Variants in STPG2 observed in about 807,000 individuals in gnomAD.
The protein encoded by STPG2 is sperm tail PG-rich repeat containing 2.
In STPG2, 56 loss-of-function variants were observed where a neutral mutation model predicts 54.2. The ratio of observed to expected loss-of-function variants is 1.03; its 90% CI spans 0.83 to 1.29. The LOEUF (loss-of-function observed/expected upper bound fraction) is 1.29, where lower values mean the gene tolerates loss of function less well. Ranked by LOEUF, STPG2 falls within the 50% of genes most tolerant of loss-of-function variation. STPG2 has a pLI of 0.00. For missense variants in STPG2, 596 were observed against 544.9 expected, an observed-to-expected ratio of 1.09 and a Z score of -0.93; for synonymous variants, 200 against 181.8, an observed-to-expected ratio of 1.10 and a Z score of -0.81.
intron 8 of STPG2, 117 bp downstream of exon 8, chr4:97,943,780 G>A: frequency 1.5e-6 from 1 of 665,004 alleles, no homozygotes; most frequent in Non-Finnish European, 2.5e-6. Context: ...GTCTAGCCAA[G>A]GAGGTTACAG....
chr4:97,516,018 G>T (rs1360267244), intron 4 of STPG2, among the ~76,000 whole-genome samples: 1 of 152,068 alleles, frequency 6.6e-6, no homozygotes, highest in Non-Finnish European at 1.5e-5. Context: ...GTGAAGGAAA[G>T]AAATAAAATT....
chr4:97,763,302 T>C (rs1560518181), intron 9 of STPG2, among the ~76,000 whole-genome samples: 1 of 152,200 alleles, frequency 6.6e-6, no homozygotes, highest in African/African-American at 2.4e-5. Context: ...AATTTAAGCA[T>C]GCTGCCCTAA....
intron 4 of STPG2, among the ~76,000 whole-genome samples, chr4:98,108,298 T>C (rs1399610877): frequency 6.6e-6 from 1 of 152,038 alleles, no homozygotes; most frequent in Admixed American, 6.6e-5. Context: ...ATTTATGCTA[T>C]GAAAGAAAAA....
In STPG2 at chr4:97,955,766, G is replaced by A. The variant is rs189815315; in HGVS notation, c.934-11759C>T. ...GTTAAAAACCAAAGACAATATCTCT[G>A]GAAGGAGAAACAATAAGCTGGACAG... On this transcript the variant is annotated intron_variant, in intron 7 of 10. Transcript: ENST00000295268. 4.3e-3 allele frequency among the ~76,000 whole-genome samples: 652 copies of A among 152,120 alleles called. 5 individuals carry two copies. Among genetic ancestry groups the A allele is most frequent in the Non-Finnish European group, 6.6e-3 (448 of 68,002 alleles).
At chr4:97,914,792 C>T (rs753884645) in intron 8 of STPG2, among the ~76,000 whole-genome samples, 5 of 152,134 alleles carry the variant, frequency 3.3e-5, no homozygotes, top group Non-Finnish European at 5.9e-5. Context: ...AGCATCATGT[C>T]GGCATTCAAA....
At chr4:97,806,294 C>T (rs927409434) in intron 9 of STPG2, among the ~76,000 whole-genome samples, 4 of 151,994 alleles carry the variant, frequency 2.6e-5, no homozygotes, top group Non-Finnish European at 4.4e-5. Context: ...CATGTTCTTG[C>T]CTATAAATGG....
chr4:97,724,646 T>G (rs1199503228), intron 9 of STPG2, among the ~76,000 whole-genome samples: 3 of 152,162 alleles, frequency 2.0e-5, no homozygotes, highest in African/African-American at 7.2e-5. Context: ...TGCTATAATC[T>G]GCAATTTAAA....
At chr4:97,642,211 C>A (rs1347044243) in intron 10 of STPG2, among the ~76,000 whole-genome samples, 1 of 151,150 alleles carries the variant, frequency 6.6e-6, no homozygotes, top group African/African-American at 2.4e-5. Context: ...ATAAAATGCT[C>A]CCATGTAATA....
At position 97,453,079 on chromosome 4, in the gene STPG2, G is replaced by C. The variant is rs185160479; in HGVS notation, c.462+259620C>G. On this transcript the variant is annotated intron_variant, in intron 4 of 4. Coordinates refer to the STPG2 transcript ENST00000522676. ...ACCACCTTGTGGGCAAAGAAAAGGA[G>C]AGAAGAGCTGTGGCCCTTCAGGGAT... Among the ~76,000 whole-genome samples the C allele has an allele frequency of 2.5e-3, 374 of 152,360 alleles. 2 individuals are homozygous for C. The highest frequency in any genetic ancestry group is 2.2e-3 in the Non-Finnish European group (153 of 68,032).
chr4:97,749,379 T>C (rs892787711), intron 9 of STPG2, among the ~76,000 whole-genome samples: 5 of 151,736 alleles, frequency 3.3e-5, no homozygotes, highest in African/African-American at 7.3e-5. Flanking sequence ...TTATTCACTG[T>C]TTTATTCTGT....
In STPG2 at chr4:97,813,677, T is replaced by TAAAAA. The variant is rs869298230; in HGVS notation, c.1204+27091_1204+27095dup. 3.2e-3 allele frequency among the ~76,000 whole-genome samples: 147 copies of TAAAAA among 45,890 alleles called. 7 individuals are homozygous for TAAAAA. Among genetic ancestry groups the TAAAAA allele is most frequent in the African/African-American group, 6.1e-3 (77 of 12,674 alleles). 30.1% of individuals were successfully genotyped at this position (45,890 alleles called of 152,430 possible). A position where few individuals can be genotyped will look rare whatever the true frequency, so the allele number is the denominator to read the frequency against. On this transcript the variant is annotated intron_variant, in intron 9 of 10. Transcript: ENST00000295268. ...GGCAGCATAGCAAGACCCTGTCTCT[T>TAAAAA]AAAAAAAAAAAAAAAAAAAAAAAAA...
chr4:97,957,605 G>T (rs903097545), intron 7 of STPG2, among the ~76,000 whole-genome samples: 2 of 152,016 alleles, frequency 1.3e-5, no homozygotes, highest in African/African-American at 4.8e-5. Context: ...TCACTGCCTA[G>T]GGAAAATGTT....
chr4:98,032,514 G>C lies in STPG2; in HGVS notation c.613-51196C>G, dbSNP rs555885158. On this transcript the variant is annotated intron_variant, in intron 5 of 10. Coordinates refer to ENST00000295268, the MANE Select transcript of STPG2 (RefSeq NM_174952.3). ...TAGTGGGAAACTTTAACACCCGACTGTCAACATTAGACAGATCAATGAGAC... is the reference window on the plus strand; with the variant it reads ...TAGTGGGAAACTTTAACACCCGACTCTCAACATTAGACAGATCAATGAGAC... Among the ~76,000 whole-genome samples the C allele has an allele frequency of 4.6e-5, 7 of 152,260 alleles. No homozygotes were observed. In the South Asian group the frequency reaches 1.5e-3, roughly 32 times the overall value.
chr4:97,586,851 A>G (rs774122573), intron 10 of STPG2, among the ~76,000 whole-genome samples: 5 of 151,970 alleles, frequency 3.3e-5, no homozygotes, highest in Admixed American at 6.6e-5. Context: ...AAAGGAAATA[A>G]TAAAAGAATC....
chr4:98,020,026 T>A (rs1295123284), intron 5 of STPG2, among the ~76,000 whole-genome samples: 2 of 120,212 alleles, frequency 1.7e-5, no homozygotes, highest in Admixed American at 1.6e-4. Context: ...TCCTGCCTAA[T>A]TGCCCTGGCC....
At chr4:97,962,461 CAATT>C (rs1267785158) in intron 7 of STPG2, among the ~76,000 whole-genome samples, 1 of 152,078 alleles carries the variant, frequency 6.6e-6, no homozygotes, top group Non-Finnish European at 1.5e-5. Context: ...AAACATAAAT[CAATT>C]GATACTGCAA....
At chr4:97,659,552 G>C (rs1277472562) in intron 10 of STPG2, among the ~76,000 whole-genome samples, 1 of 152,174 alleles carries the variant, frequency 6.6e-6, no homozygotes, top group African/African-American at 2.4e-5. Flanking sequence ...TTGCTGGAAA[G>C]CTAGGGAACA....
At chr4:97,968,094 A>T (rs1174438345) in intron 7 of STPG2, among the ~76,000 whole-genome samples, 2 of 152,118 alleles carry the variant, frequency 1.3e-5, no homozygotes, top group African/African-American at 4.8e-5. Flanking sequence ...AAAGATCAAC[A>T]AAATTGAGAC....
intron 10 of STPG2, among the ~76,000 whole-genome samples, chr4:97,684,154 A>T (rs191539184): frequency 6.6e-6 from 1 of 152,030 alleles, no homozygotes; most frequent in Admixed American, 6.5e-5. Flanking sequence ...ACGCTTTATT[A>T]AGATGCCAAT....
Sources: allele counts gnomAD v4.1 joint callset (sites outside exome capture counted in the v4.1 genomes callset), GRCh38; gene constraint gnomAD v4.1.1; transcripts MANE v1.5; gene names NCBI Gene and HGNC (gene_info 2026-07-23, HGNC 2026-07-21).